Variants in EYS observed in about 807,000 individuals in gnomAD.
The protein encoded by EYS is protein eyes shut homolog.
Under a neutral mutation model 282.1 loss-of-function variants are expected in EYS, and 250 were observed. The ratio of observed to expected loss-of-function variants is 0.89; its 90% CI spans 0.80 to 0.98. The LOEUF (loss-of-function observed/expected upper bound fraction) is 0.98. Ranked by LOEUF, EYS falls within the 50% of genes least tolerant of loss-of-function variation. The probability of loss-of-function intolerance (pLI) is 0.00; values close to 1 mark genes in which losing one functional copy is unlikely to be tolerated. For missense variants in EYS, 4,016 were observed against 3,709.0 expected (o/e 1.08, Z -2.15); for synonymous variants, 1,355 against 1,282.9 (o/e 1.06, Z -1.20).
At chr6:64,513,844 T>C (rs1256281099) in intron 26 of EYS, among the ~76,000 whole-genome samples, 2 of 151,796 alleles carry the variant, frequency 1.3e-5, no homozygotes, top group African/African-American at 4.8e-5. Context: ...TTGTGGAACT[T>C]TAGATCTAAT....
intron 32 of EYS, among the ~76,000 whole-genome samples, chr6:64,080,931 C>T (rs1771944491): frequency 6.6e-6 from 1 of 151,924 alleles, no homozygotes; most frequent in African/African-American, 2.4e-5. Flanking sequence ...TGTTTTGGTA[C>T]CAGTACCATG....
chr6:63,891,841 C>T (rs1441783416), intron 35 of EYS, among the ~76,000 whole-genome samples: 1 of 152,324 alleles, frequency 6.6e-6, no homozygotes, highest in East Asian at 1.9e-4. Context: ...CCCATTGTCT[C>T]AGCCCAAAAT....
intron 31 of EYS, among the ~76,000 whole-genome samples, chr6:64,196,214 G>A (rs1021514980): frequency 6.6e-6 from 1 of 152,204 alleles, no homozygotes; most frequent in Non-Finnish European, 1.5e-5. Flanking sequence ...ACACCAGTTA[G>A]AATGGCAATC....
At chr6:64,871,324 C>CA (rs35970126) in intron 19 of EYS, among the ~76,000 whole-genome samples, 10,545 of 131,736 alleles carry the variant, frequency 0.08, 404 homozygotes, top group East Asian at 0.17. Context: ...AGTTGCTTCT[C>CA]AAAAAAAAAA....
At chr6:65,443,477 A>T (rs1340860084) in intron 5 of EYS, among the ~76,000 whole-genome samples, 1 of 151,836 alleles carries the variant, frequency 6.6e-6, no homozygotes, top group Non-Finnish European at 1.5e-5. Context: ...ACATGCACAT[A>T]TATACACATA....
intron 2 of EYS, among the ~76,000 whole-genome samples, chr6:65,581,834 T>C (rs1036141267): frequency 2.0e-5 from 3 of 152,072 alleles, no homozygotes; most frequent in Non-Finnish European, 4.4e-5. Flanking sequence ...CTATTATGTA[T>C]ACATCCAAGT....
In EYS at chr6:64,904,497, T is replaced by C. The variant is rs370234958; in HGVS notation, c.2642-1997A>G. Among the ~76,000 whole-genome samples, 9 of 152,348 alleles carry C rather than the reference T, an allele frequency of 5.9e-5. No homozygotes were observed. The East Asian group carries it at 7.7e-4, about 13-fold the overall frequency. ...GGTTGTAAATGCCATAGTACAGATATAAACAACTTAGATTCTATTTTCAAA... is the reference window on the plus strand; with the variant it reads ...GGTTGTAAATGCCATAGTACAGATACAAACAACTTAGATTCTATTTTCAAA... On this transcript the variant is annotated intron_variant, in intron 16 of 42. Transcript: ENST00000503581.
At chr6:63,723,496 T>C (rs1322936688) in intron 42 of EYS, among the ~76,000 whole-genome samples, 2 of 152,134 alleles carry the variant, frequency 1.3e-5, no homozygotes, top group Non-Finnish European at 2.9e-5. Context: ...AACAATTTTA[T>C]AGTGAAGAGC....
At chr6:65,369,162 A>G (rs1765028920) in intron 8 of EYS, among the ~76,000 whole-genome samples, 1 of 150,118 alleles carries the variant, frequency 6.7e-6, no homozygotes, top group African/African-American at 2.4e-5. Flanking sequence ...AAGCAAATTT[A>G]ATGTAAGCAA....
intron 31 of EYS, among the ~76,000 whole-genome samples, chr6:64,172,125 C>G (rs367588840): frequency 2.0e-5 from 3 of 152,138 alleles, no homozygotes; most frequent in Non-Finnish European, 4.4e-5. Context: ...TTTCAATATT[C>G]TTTCCTGATC....
chr6:64,838,727 A>C (rs1258088336), intron 19 of EYS, among the ~76,000 whole-genome samples: 2 of 151,910 alleles, frequency 1.3e-5, no homozygotes, highest in African/African-American at 4.8e-5. Flanking sequence ...AATAAATGCT[A>C]TCAGAATTGG....
intron 26 of EYS, among the ~76,000 whole-genome samples, chr6:64,473,936 T>C (rs1776194000): frequency 6.6e-6 from 1 of 152,210 alleles, no homozygotes; most frequent in African/African-American, 2.4e-5. Context: ...GACATTCTTA[T>C]CAAGAAACAA....
At chr6:65,694,689 G>A (rs1769374783) in intron 1 of EYS, among the ~76,000 whole-genome samples, 1 of 147,384 alleles carries the variant, frequency 6.8e-6, no homozygotes, top group Non-Finnish European at 1.5e-5. Context: ...TGATGCACTT[G>A]TGCAAAATGA....
At chr6:65,024,121 C>T (rs1772327915) in intron 13 of EYS, among the ~76,000 whole-genome samples, 1 of 152,024 alleles carries the variant, frequency 6.6e-6, no homozygotes, top group Admixed American at 6.6e-5. Context: ...AATAGTAATT[C>T]ATGTAAATCT....
chr6:65,137,130 A>T (rs1776044148), intron 12 of EYS, among the ~76,000 whole-genome samples: 1 of 152,150 alleles, frequency 6.6e-6, no homozygotes, highest in African/African-American at 2.4e-5. Context: ...GAAAGTAAAC[A>T]TCCAGCAAAT....
intron 13 of EYS, among the ~76,000 whole-genome samples, chr6:65,054,761 CA>C (rs145687539): frequency 0.027 from 4,059 of 151,944 alleles, 176 homozygotes; most frequent in African/African-American, 0.093. Flanking sequence ...TGTACAGTTC[CA>C]TTGAACGTGT....
At chr6:65,420,781 T>C (rs79626866) in intron 5 of EYS, among the ~76,000 whole-genome samples, 9,913 of 151,956 alleles carry the variant, frequency 0.065, 444 homozygotes, top group African/African-American at 0.12. Flanking sequence ...TGTTAGCAGT[T>C]ATGAAAACAA....
chr6:65,039,613 T>C (rs1463216972), intron 13 of EYS, among the ~76,000 whole-genome samples: 1 of 151,630 alleles, frequency 6.6e-6, no homozygotes, highest in Non-Finnish European at 1.5e-5. Flanking sequence ...TCCATTCTTA[T>C]ATATTTAATT....
At chr6:64,419,764 C>G (rs1376548821) in intron 28 of EYS, among the ~76,000 whole-genome samples, 2 of 152,222 alleles carry the variant, frequency 1.3e-5, no homozygotes, top group Admixed American at 6.5e-5. Context: ...GCAGCACTGC[C>G]CCTGTGGCTT....
Sources: gnomAD v4.1 joint callset for allele counts (sites outside exome capture counted in the v4.1 genomes callset) on GRCh38, gnomAD v4.1.1 for gene constraint, MANE v1.5 for transcripts, NCBI Gene and HGNC (gene_info 2026-07-23, HGNC 2026-07-21) for gene names.